Variants in INVS observed in about 807,000 individuals in gnomAD.
The protein encoded by INVS is inversion of embryo turning homolog.
A neutral mutation model predicts 108.8 loss-of-function variants in INVS; 86 were observed. The observed-to-expected ratio is 0.79, with a 90% CI of 0.66 to 0.95. The LOEUF is 0.95. Among genes scored for constraint, INVS ranks in the 40% least tolerant of loss-of-function variants. The pLI is 0.00. For synonymous variants in INVS, 455 were observed against 473.5 expected (o/e 0.96, Z 0.51); for missense variants, 1,169 against 1,297.4 (o/e 0.90, Z 1.52).
At chr9:100,102,066 C>A (rs1044797768) in intron 1 of INVS, 3 of 152,158 alleles carry the variant, frequency 2.0e-5, no homozygotes, top group African/African-American at 7.2e-5. Flanking sequence ...ATCTCACTAT[C>A]TTCCTATGCG....
intron 13 of INVS, among the ~76,000 whole-genome samples, chr9:100,289,133 A>G (rs1361824374): frequency 1.3e-5 from 2 of 152,180 alleles, no homozygotes; most frequent in Non-Finnish European, 2.9e-5. Context: ...AGCAGTTGAC[A>G]TTTTGTTCTA....
At chr9:100,262,638 T>TA (rs58650063) in intron 10 of INVS, among the ~76,000 whole-genome samples, 1,554 of 116,434 alleles carry the variant, frequency 0.013, 30 homozygotes, top group East Asian at 0.046. Flanking sequence ...CCTGGAGCAC[T>TA]AAAAAAAAAA....
Position 100,175,969 on chromosome 9 carries a change from A to G in INVS, c.273+49420A>G, listed in dbSNP as rs146006000. On this transcript the variant is annotated intron_variant, in intron 3 of 16. Coordinates refer to ENST00000262457, the MANE Select transcript of INVS (RefSeq NM_014425.5). ...CTGCTGAAGAAAGCTACAATGGAAT[A>G]CAGCAGACCACTAGGTATTTTAGTA... 4,399 of 560,676 alleles carry G rather than the reference A, an allele frequency of 7.8e-3. 51 individuals carry two copies. The highest frequency in any genetic ancestry group is 0.023 in the South Asian group (1,629 of 72,278). 34.7% of individuals were successfully genotyped at this position (560,676 alleles called of 1,614,324 possible). A position where few individuals can be genotyped will look rare whatever the true frequency, so the allele number is the denominator to read the frequency against.
chr9:100,171,535 G>T (rs906157205), intron 3 of INVS, among the ~76,000 whole-genome samples: 1 of 152,126 alleles, frequency 6.6e-6, no homozygotes, highest in Non-Finnish European at 1.5e-5. Context: ...GGTAGAAAAC[G>T]TGGAGAGATG....
intron 11 of INVS, among the ~76,000 whole-genome samples, chr9:100,266,675 C>G (rs1050083532): frequency 6.6e-6 from 1 of 152,148 alleles, no homozygotes; most frequent in Non-Finnish European, 1.5e-5. Context: ...AATGCCTTAA[C>G]CTTCTGGGAA....
rs1833668746 is a variant in INVS at position 100,292,866 on chromosome 9, A to G, written c.2609A>G (p.Asp870Gly). The part of the protein sequence containing the change: ...RRLETSTLSE[D>G]FQVSKETDPA... ...CTGGAGACATCTACCCTGTCCGAGG[A>G]CTTTCAGGTATCTAAGGAGACTGAT... Residue 870 changes from aspartate (D) to glycine (G), a missense_variant, in exon 14 of 17, where the codon GAC (aspartate) becomes GGC (glycine). Coordinates refer to ENST00000262457, the MANE Select transcript of INVS (RefSeq NM_014425.5). 1.2e-6 allele frequency: 2 copies of G among 1,614,128 alleles called. No homozygotes were observed. Among genetic ancestry groups the G allele is most frequent in the East Asian group, 4.5e-5 (2 of 44,878 alleles).
At chr9:100,237,844 C>A (rs1297594498) in intron 5 of INVS, among the ~76,000 whole-genome samples, 1 of 151,756 alleles carries the variant, frequency 6.6e-6, no homozygotes, top group Non-Finnish European at 1.5e-5. Context: ...TAGTATAGAT[C>A]TTTCGGTGGT....
At chr9:100,293,410 T>C (rs1326674030) in intron 14 of INVS, among the ~76,000 whole-genome samples, 1 of 152,194 alleles carries the variant, frequency 6.6e-6, no homozygotes, top group Non-Finnish European at 1.5e-5. Context: ...GATTTAATAA[T>C]TGTTGCACAT....
chr9:100,145,080 T>C (rs1828557795), intron 3 of INVS, among the ~76,000 whole-genome samples: 1 of 151,878 alleles, frequency 6.6e-6, no homozygotes, highest in African/African-American at 2.4e-5. Context: ...TAGAAGAAAA[T>C]AAGTTGTTTA....
At chr9:100,117,006 G>T in intron 2 of INVS, 1 of 1,519,482 alleles carries the variant, frequency 6.6e-7, no homozygotes, top group Non-Finnish European at 9.0e-7. Context: ...AGCTTCTTGG[G>T]CACAGGCGCC....
intron 11 of INVS, among the ~76,000 whole-genome samples, chr9:100,270,923 C>CA (rs939379169): frequency 6.5e-5 from 8 of 122,480 alleles, no homozygotes; most frequent in African/African-American, 1.8e-4. Flanking sequence ...GACCCTATCT[C>CA]AAAAAAAAAG....
At chr9:100,250,858 A>G (rs990254424) in intron 8 of INVS, among the ~76,000 whole-genome samples, 17 of 152,178 alleles carry the variant, frequency 1.1e-4, no homozygotes, top group Non-Finnish European at 1.8e-4. Flanking sequence ...TCCATCACTG[A>G]CTGATAGGAC....
chr9:100,213,218 G>A (rs558683186), intron 3 of INVS, among the ~76,000 whole-genome samples: 1 of 138,024 alleles, frequency 7.2e-6, no homozygotes, highest in South Asian at 2.7e-4. Context: ...TTTGGGGGTT[G>A]GGGGGACATA....
At chr9:100,142,272 C>T (rs948895024) in intron 3 of INVS, among the ~76,000 whole-genome samples, 7 of 152,110 alleles carry the variant, frequency 4.6e-5, no homozygotes, top group African/African-American at 9.7e-5. Flanking sequence ...TAAATATTGA[C>T]GCATAGTCCT....
intron 3 of INVS, among the ~76,000 whole-genome samples, chr9:100,146,381 G>A (rs1178289986): frequency 1.3e-5 from 2 of 152,296 alleles, no homozygotes; most frequent in East Asian, 3.9e-4. Flanking sequence ...ACAAGATAAT[G>A]TCATCAGTTA....
chr9:100,299,555 A>AC (rs1491249508), intron 16 of INVS, among the ~76,000 whole-genome samples: 5 of 125,642 alleles, frequency 4.0e-5, no homozygotes, highest in Non-Finnish European at 8.8e-5. Context: ...ATTGACACAC[A>AC]ACACACACAC....
At chr9:100,192,930 A>T (rs1468490906) in intron 3 of INVS, among the ~76,000 whole-genome samples, 9 of 151,224 alleles carry the variant, frequency 6.0e-5, no homozygotes, top group Admixed American at 5.9e-4. Context: ...GACACTAACC[A>T]AAGTTTTTAA....
At chr9:100,185,516 A>AATATATATATATATATATATATAT (rs35603398) in intron 3 of INVS, among the ~76,000 whole-genome samples, 1 of 110,852 alleles carries the variant, frequency 9.0e-6, no homozygotes, top group Non-Finnish European at 1.8e-5. Flanking sequence ...TATGCATAGA[A>AATATATATATATATATATATATAT]ATATATATAT....
chr9:100,207,851 T>A (rs1266994863), intron 3 of INVS, among the ~76,000 whole-genome samples: 1 of 152,206 alleles, frequency 6.6e-6, no homozygotes, highest in Non-Finnish European at 1.5e-5. Flanking sequence ...ATTTCTAATT[T>A]TTGAATGTGT....
Sources: gnomAD v4.1 joint callset for allele counts (sites outside exome capture counted in the v4.1 genomes callset) on GRCh38, gnomAD v4.1.1 for gene constraint, MANE v1.5 for transcripts, NCBI Gene and HGNC (gene_info 2026-07-23, HGNC 2026-07-21) for gene names.